IGF2BP2: variants seen among roughly 807,000 people sequenced by gnomAD.
IGF2BP2 encodes the protein insulin like growth factor 2 mRNA binding protein 2.
Under a neutral mutation model 75.8 loss-of-function variants are expected in IGF2BP2, and 17 were observed. That is an observed-to-expected ratio of 0.22 (90% CI 0.15 to 0.34). IGF2BP2 has a LOEUF of 0.34. Ranked by LOEUF, IGF2BP2 falls within the 10% of genes least tolerant of loss-of-function variation. The pLI is 1.00. For synonymous variants in IGF2BP2, 288 were observed against 295.6 expected (o/e 0.97, Z 0.26); for missense variants, 516 against 772.4 (o/e 0.67, Z 3.93).
chr3:185,785,177 T>C (rs563491235), intron 2 of IGF2BP2, among the ~76,000 whole-genome samples: 1 of 151,818 alleles, frequency 6.6e-6, no homozygotes, highest in Admixed American at 6.6e-5. Context: ...GACGCACACC[T>C]GTAATCCCAG....
chr3:185,678,405 G>A (rs1029136338), intron 7 of IGF2BP2, among the ~76,000 whole-genome samples: 1 of 152,104 alleles, frequency 6.6e-6, no homozygotes, highest in Non-Finnish European at 1.5e-5. Context: ...TAAAAACTGA[G>A]GGACTTTATT....
intron 2 of IGF2BP2, among the ~76,000 whole-genome samples, chr3:185,806,112 A>G (rs1031494574): frequency 1.1e-4 from 16 of 152,186 alleles, no homozygotes; most frequent in Admixed American, 5.2e-4. Flanking sequence ...CCAAATGTGA[A>G]GTAAATCTTA....
chr3:185,748,458 A>C (rs527490313), intron 2 of IGF2BP2, among the ~76,000 whole-genome samples: 1 of 152,298 alleles, frequency 6.6e-6, no homozygotes, highest in South Asian at 2.1e-4. Flanking sequence ...TTCAAACTTC[A>C]ATTTTCTTTC....
intron 6 of IGF2BP2, among the ~76,000 whole-genome samples, chr3:185,688,945 A>G (rs1254175049): frequency 6.6e-6 from 1 of 152,146 alleles, no homozygotes; most frequent in African/African-American, 2.4e-5. Flanking sequence ...TGACTCACCC[A>G]CTTCTTTGTG....
chr3:185,750,985 T>C (rs924886731), intron 2 of IGF2BP2, among the ~76,000 whole-genome samples: 1 of 151,348 alleles, frequency 6.6e-6, no homozygotes, highest in Admixed American at 6.6e-5. Context: ...GGGAGGCCAA[T>C]GTGGGCAGAT....
chr3:185,799,196 A>G (rs2149921408), intron 2 of IGF2BP2, among the ~76,000 whole-genome samples: 1 of 151,684 alleles, frequency 6.6e-6, no homozygotes, highest in South Asian at 2.1e-4. Flanking sequence ...GCCCAGGAGT[A>G]TGAGACCAGC....
chr3:185,773,480 G>C (rs1364931935), intron 2 of IGF2BP2, among the ~76,000 whole-genome samples: 2 of 152,178 alleles, frequency 1.3e-5, no homozygotes, highest in Non-Finnish European at 2.9e-5. Context: ...ATAATTTTTA[G>C]AAGTAGGAAA....
intron 2 of IGF2BP2, among the ~76,000 whole-genome samples, chr3:185,816,808 C>T (rs989569027): frequency 2.6e-5 from 4 of 152,170 alleles, no homozygotes; most frequent in Non-Finnish European, 5.9e-5. Context: ...GCAAAAAATA[C>T]TCCTCCCTGA....
At chr3:185,802,677 T>C (rs181153798) in intron 2 of IGF2BP2, among the ~76,000 whole-genome samples, 5 of 152,280 alleles carry the variant, frequency 3.3e-5, no homozygotes, top group Non-Finnish European at 5.9e-5. Context: ...CAAAACCCAA[T>C]GCAGCATTAC....
At chr3:185,810,782 AC>A (rs199792915) in intron 2 of IGF2BP2, among the ~76,000 whole-genome samples, 61,524 of 146,184 alleles carry the variant, frequency 0.42, 15,544 homozygotes, top group African/African-American at 0.74. Context: ...AAAAAAAAAA[AC>A]AACAAAAAAC....
chr3:185,780,441 A>G (rs1735064674), intron 2 of IGF2BP2, among the ~76,000 whole-genome samples: 1 of 152,238 alleles, frequency 6.6e-6, no homozygotes, highest in African/African-American at 2.4e-5. Flanking sequence ...ATAAGGCTGC[A>G]GAAAGATGGA....
chr3:185,699,781 T>C (rs1457289985), intron 2 of IGF2BP2, among the ~76,000 whole-genome samples: 1 of 152,192 alleles, frequency 6.6e-6, no homozygotes, highest in Non-Finnish European at 1.5e-5. Flanking sequence ...TCCTGAAGTA[T>C]ATTTAATCCA....
chr3:185,686,017 G>A (rs1348624966), intron 7 of IGF2BP2, among the ~76,000 whole-genome samples: 2 of 152,116 alleles, frequency 1.3e-5, no homozygotes. Flanking sequence ...AATTTGTTTG[G>A]TAAGAACTGT....
At chr3:185,652,214 C>T in intron 12 of IGF2BP2, 46 bp from the exon 13 acceptor site, 1 of 1,514,086 alleles carries the variant, frequency 6.6e-7, no homozygotes, top group East Asian at 2.3e-5. Context: ...GCTGCATTCC[C>T]CAGCCCCTCT....
At chr3:185,768,450 T>C (rs1733392413) in intron 2 of IGF2BP2, among the ~76,000 whole-genome samples, 1 of 152,186 alleles carries the variant, frequency 6.6e-6, no homozygotes, top group South Asian at 2.1e-4. Context: ...GTAAAGAATA[T>C]GATAATGATA....
chr3:185,658,508 G>A, intron 10 of IGF2BP2, 99 bp from the exon 11 acceptor site: 1 of 933,080 alleles, frequency 1.1e-6, no homozygotes, highest in African/African-American at 1.6e-5. Flanking sequence ...GGCTCTCTGT[G>A]GCATCAGCTG....
intron 2 of IGF2BP2, among the ~76,000 whole-genome samples, chr3:185,751,000 TGA>T (rs907980752): frequency 7.9e-5 from 12 of 152,184 alleles, no homozygotes; most frequent in African/African-American, 2.9e-4. Flanking sequence ...GCAGATCACC[TGA>T]GGTTAGGAGT....
chr3:185,823,755 G>A (rs1741661273), intron 1 of IGF2BP2, among the ~76,000 whole-genome samples: 1 of 152,084 alleles, frequency 6.6e-6, no homozygotes, highest in Non-Finnish European at 1.5e-5. Flanking sequence ...ACGCCGGTGG[G>A]GAAGGGGCTC....
chr3:185,676,877 A>G lies in IGF2BP2; in HGVS notation c.813-964T>C, dbSNP rs182620210. Among the ~76,000 whole-genome samples, 40 of 143,982 alleles carry G rather than the reference A, an allele frequency of 2.8e-4. No homozygotes were observed. In the Admixed American group the frequency reaches 2.8e-3, roughly 10 times the overall value. The allele number at this position is 143,982 out of a possible 152,430, so 94.5% of individuals were successfully genotyped here. ...ATATATATTTACTGGATATATATATATGGAGATGTATATATATTTACTGGA... is the reference window on the plus strand; with the variant it reads ...ATATATATTTACTGGATATATATATGTGGAGATGTATATATATTTACTGGA... On this transcript the variant is annotated intron_variant, in intron 7 of 15. Coordinates refer to ENST00000382199, the MANE Select transcript of IGF2BP2 (RefSeq NM_006548.6).
Sources: allele counts gnomAD v4.1 joint callset (sites outside exome capture counted in the v4.1 genomes callset), GRCh38; gene constraint gnomAD v4.1.1; transcripts MANE v1.5; gene names NCBI Gene and HGNC (gene_info 2026-07-23, HGNC 2026-07-21).